Variants in SHISA6 observed in about 807,000 individuals in gnomAD.
The protein encoded by SHISA6 is shisa family member 6.
Under a neutral mutation model 47.9 loss-of-function variants are expected in SHISA6, and 22 were observed. That is an observed-to-expected ratio of 0.46 (90% CI 0.33 to 0.66). The LOEUF (loss-of-function observed/expected upper bound fraction) is 0.66. SHISA6 is among the 30% of genes least tolerant of loss of function. SHISA6 has a pLI of 0.02. For missense variants in SHISA6, 680 were observed against 764.6 expected (o/e 0.89, Z 1.30); for synonymous variants, 388 against 337.8 (o/e 1.15, Z -1.63).
intron 2 of SHISA6, among the ~76,000 whole-genome samples, chr17:11,280,205 C>T (rs1567559288): frequency 1.3e-5 from 2 of 152,112 alleles, no homozygotes; most frequent in Non-Finnish European, 2.9e-5. Context: ...TTAGGATCTA[C>T]GATGGCTGTG....
At chr17:11,496,744 A>G (rs1297457044) in intron 3 of SHISA6, among the ~76,000 whole-genome samples, 3 of 136,768 alleles carry the variant, frequency 2.2e-5, no homozygotes, top group Non-Finnish European at 3.2e-5. Context: ...ATCTCAAAAA[A>G]AAAGAAAAAA....
intron 2 of SHISA6, among the ~76,000 whole-genome samples, chr17:11,368,958 T>C (rs930839437): frequency 2.6e-5 from 4 of 152,276 alleles, no homozygotes; most frequent in Non-Finnish European, 5.9e-5. Context: ...CCCGGCCGAA[T>C]TATTGTACTT....
intron 3 of SHISA6, among the ~76,000 whole-genome samples, chr17:11,469,232 TCTGGG>T (rs1856153101): frequency 6.6e-6 from 1 of 151,984 alleles, no homozygotes; most frequent in Non-Finnish European, 1.5e-5. Context: ...TCCTGAATTA[TCTGGG>T]CAGGCTCAAT....
At chr17:11,507,127 C>G (rs1208067865) in intron 3 of SHISA6, among the ~76,000 whole-genome samples, 4 of 152,202 alleles carry the variant, frequency 2.6e-5, no homozygotes, top group African/African-American at 9.7e-5. Flanking sequence ...AAGACAATGA[C>G]ATCCACCACA....
chr17:11,367,629 G>A (rs1912500472), intron 2 of SHISA6, among the ~76,000 whole-genome samples: 1 of 152,156 alleles, frequency 6.6e-6, no homozygotes, highest in African/African-American at 2.4e-5. Flanking sequence ...CCCAGGTGCT[G>A]TTCTAAGCCC....
chr17:11,341,728 C>G lies in SHISA6; in HGVS notation c.800-37686C>G, dbSNP rs536954124. Among the ~76,000 whole-genome samples the G allele has an allele frequency of 5.3e-5, 8 of 152,218 alleles. No individual in the cohort carries two copies. In the South Asian group the frequency reaches 1.5e-3, roughly 28 times the overall value. ...GGAGCTGCAATTTTAATGCCAACAGCCTGGCTGCAGGGTGCTCTTGCCCAC... is the reference window on the plus strand; with the variant it reads ...GGAGCTGCAATTTTAATGCCAACAGGCTGGCTGCAGGGTGCTCTTGCCCAC... On this transcript the variant is annotated intron_variant, in intron 2 of 5. Coordinates refer to ENST00000441885, the MANE Select transcript of SHISA6 (RefSeq NM_207386.4).
intron 2 of SHISA6, among the ~76,000 whole-genome samples, chr17:11,325,396 G>A (rs1910843927): frequency 6.6e-6 from 1 of 152,222 alleles, no homozygotes. Flanking sequence ...GCTACCCGAG[G>A]GCATTGGGCA....
At chr17:11,514,151 A>G (rs943907466) in intron 3 of SHISA6, among the ~76,000 whole-genome samples, 3 of 151,980 alleles carry the variant, frequency 2.0e-5, no homozygotes, top group East Asian at 1.9e-4. Flanking sequence ...GGACGGCCCT[A>G]TTGTACCTTA....
chr17:11,482,524 A>C (rs900387052), intron 3 of SHISA6, among the ~76,000 whole-genome samples: 2 of 152,220 alleles, frequency 1.3e-5, no homozygotes, highest in African/African-American at 4.8e-5. Flanking sequence ...AAGGAAAAAA[A>C]ATTACACTAA....
chr17:11,523,796 A>C (rs915651696), intron 3 of SHISA6, among the ~76,000 whole-genome samples: 8 of 152,154 alleles, frequency 5.3e-5, no homozygotes, highest in African/African-American at 1.9e-4. Context: ...ACCTGAGGTC[A>C]GGAGTTCGAG....
intron 3 of SHISA6, among the ~76,000 whole-genome samples, chr17:11,419,379 C>T (rs1024453986): frequency 2.6e-5 from 4 of 151,380 alleles, no homozygotes; most frequent in Admixed American, 1.3e-4. Context: ...CTAGGTTTAA[C>T]AAGAAGAAAG....
In SHISA6 at chr17:11,561,827, G is replaced by A. The variant is rs9909105; in HGVS notation, c.*3523G>A. ...CAATGGAAGAATAAGACATTCTTTC[G>A]GTCTTCTGTTTGCCTCACTGGTGTA... On this transcript the variant is annotated 3_prime_UTR_variant, in exon 6 of 6. Transcript: ENST00000441885. 26,925 of 151,916 alleles carry A rather than the reference G, an allele frequency of 0.18. 3,455 individuals are homozygous for A. Among genetic ancestry groups the A allele is most frequent in the African/African-American group, 0.37 (15,113 of 41,380 alleles). 9.4% of individuals were successfully genotyped at this position (151,916 alleles called of 1,614,324 possible). A position where few individuals can be genotyped will look rare whatever the true frequency, so the allele number is the denominator to read the frequency against.
chr17:11,325,970 C>A (rs1910871026), intron 2 of SHISA6, among the ~76,000 whole-genome samples: 1 of 152,166 alleles, frequency 6.6e-6, no homozygotes, highest in Admixed American at 6.5e-5. Context: ...CTCTGCAATG[C>A]AGTACTAAAG....
At chr17:11,442,336 G>A (rs1411671701) in intron 3 of SHISA6, among the ~76,000 whole-genome samples, 1 of 121,776 alleles carries the variant, frequency 8.2e-6, no homozygotes, top group Non-Finnish European at 2.0e-5. Context: ...AGACCCTTAG[G>A]TTTCTGGCCT....
chr17:11,293,501 C>T (rs569729525), intron 2 of SHISA6, among the ~76,000 whole-genome samples: 1 of 152,250 alleles, frequency 6.6e-6, no homozygotes, highest in Admixed American at 6.5e-5. Flanking sequence ...TCCCTGAGAG[C>T]ATGGATCAGG....
intron 3 of SHISA6, among the ~76,000 whole-genome samples, chr17:11,447,983 T>G (rs1915280313): frequency 6.6e-6 from 1 of 152,180 alleles, no homozygotes; most frequent in Admixed American, 6.5e-5. Context: ...TGCATTCCAC[T>G]TTGTAGAGAC....
intron 3 of SHISA6, among the ~76,000 whole-genome samples, chr17:11,454,891 T>C (rs1019702526): frequency 2.0e-5 from 3 of 152,144 alleles, no homozygotes; most frequent in Admixed American, 6.6e-5. Context: ...TTCAATGGGC[T>C]GGGCACGGTA....
chr17:11,455,134 A>C (rs1247998584), intron 3 of SHISA6, among the ~76,000 whole-genome samples: 1 of 152,152 alleles, frequency 6.6e-6, no homozygotes, highest in African/African-American at 2.4e-5. Context: ...ACGCCACTGC[A>C]CTCCAGCCTG....
chr17:11,252,670 T>C (rs576249968), intron 1 of SHISA6, among the ~76,000 whole-genome samples: 38 of 152,318 alleles, frequency 2.5e-4, no homozygotes, highest in South Asian at 1.9e-3. Flanking sequence ...CACTCAGTCC[T>C]AGGATCAGGC....
Sources: allele counts gnomAD v4.1 joint callset (sites outside exome capture counted in the v4.1 genomes callset), GRCh38; gene constraint gnomAD v4.1.1; transcripts MANE v1.5; gene names NCBI Gene and HGNC (gene_info 2026-07-23, HGNC 2026-07-21).